The following UNC5D variants were observed in gnomAD, a reference collection of about 807,000 sequenced individuals.
UNC5D encodes the protein netrin receptor UNC5D.
A neutral mutation model predicts 105.4 loss-of-function variants in UNC5D; 39 were observed. That is an observed-to-expected ratio of 0.37 (90% CI 0.29 to 0.48). The LOEUF (loss-of-function observed/expected upper bound fraction) is 0.48, where lower values mean the gene tolerates loss of function less well. UNC5D is among the 20% of genes least tolerant of loss of function. The pLI is 0.98. For synonymous variants in UNC5D, 452 were observed against 450.4 expected (o/e 1.00, Z -0.04); for missense variants, 991 against 1,202.4 (o/e 0.82, Z 2.60).
chr8:35,669,470 T>C lies in UNC5D; in HGVS notation c.571-14077T>C, dbSNP rs150414666. On this transcript the variant is annotated intron_variant, in intron 4 of 16. Coordinates refer to ENST00000404895, the MANE Select transcript of UNC5D (RefSeq NM_080872.4). Reference sequence around the variant, plus strand: ...GTGCCAAATTTTGATGCCCGTCTCCTTAAATCTAATAGCAAGTCGGTTGCA... The same window carrying C: ...GTGCCAAATTTTGATGCCCGTCTCCCTAAATCTAATAGCAAGTCGGTTGCA... Among the ~76,000 whole-genome samples, 1,102 of 152,254 alleles carry C rather than the reference T, an allele frequency of 7.2e-3. 22 individuals are homozygous for C. Among genetic ancestry groups the C allele is most frequent in the African/African-American group, 0.024 (1,014 of 41,556 alleles).
intron 8 of UNC5D, among the ~76,000 whole-genome samples, chr8:35,717,038 GT>G (rs1427479499): frequency 6.6e-6 from 1 of 152,090 alleles, no homozygotes; most frequent in African/African-American, 2.4e-5. Context: ...TGGTTGCCTC[GT>G]TTTCTGTTTG....
At chr8:35,426,857 G>C (rs541533791) in intron 1 of UNC5D, among the ~76,000 whole-genome samples, 248 of 152,206 alleles carry the variant, frequency 1.6e-3, no homozygotes, top group African/African-American at 5.6e-3. Context: ...TCATTGCTTG[G>C]ACTCTAGGGT....
intron 1 of UNC5D, among the ~76,000 whole-genome samples, chr8:35,532,378 A>G (rs1466726550): frequency 7.3e-6 from 1 of 136,638 alleles, no homozygotes; most frequent in Non-Finnish European, 1.6e-5. Flanking sequence ...ATTGGCCCCC[A>G]CTCTCTTCTG....
chr8:35,658,544 A>G (rs1423208679), intron 4 of UNC5D, among the ~76,000 whole-genome samples: 2 of 152,162 alleles, frequency 1.3e-5, no homozygotes, highest in Non-Finnish European at 2.9e-5. Context: ...ACACGTAATA[A>G]ATGATAGATG....
intron 1 of UNC5D, among the ~76,000 whole-genome samples, chr8:35,474,909 G>A (rs551715423): frequency 6.6e-6 from 1 of 152,302 alleles, no homozygotes; most frequent in East Asian, 1.9e-4. Flanking sequence ...CATCCCCTTA[G>A]GTGGGGCATT....
At chr8:35,437,805 G>A (rs567189101) in intron 1 of UNC5D, among the ~76,000 whole-genome samples, 3 of 151,664 alleles carry the variant, frequency 2.0e-5, no homozygotes, top group African/African-American at 7.2e-5. Context: ...GCGAGAAATG[G>A]TTTGCTGCTT....
intron 1 of UNC5D, among the ~76,000 whole-genome samples, chr8:35,365,429 G>A (rs1802057161): frequency 6.6e-6 from 1 of 151,482 alleles, no homozygotes. Context: ...AAGATATATT[G>A]GTATCTGAAA....
rs1802408121 is a variant in UNC5D at position 35,235,676 on chromosome 8, ACT to A, written c.-104_-103del. The A allele has an allele frequency of 3.7e-6, 3 of 803,160 alleles. No individual in the cohort carries two copies. Among genetic ancestry groups the A allele is most frequent in the African/African-American group, 3.6e-5 (2 of 55,794 alleles). The allele number at this position is 803,160 out of a possible 1,614,324, so 49.8% of individuals were successfully genotyped here. On this transcript the variant is annotated 5_prime_UTR_variant, in exon 1 of 17. Transcript: ENST00000404895. The stretch of plus-strand genomic sequence containing the variant: ...TAGGAAGCGATCGTGGAGCAGAGTC[ACT>A]CTCTGAAGACTCCCGAGACCCATTC...
At chr8:35,400,791 T>G (rs1804409449) in intron 1 of UNC5D, among the ~76,000 whole-genome samples, 1 of 152,314 alleles carries the variant, frequency 6.6e-6, no homozygotes, top group Non-Finnish European at 1.5e-5. Context: ...TCAGCTCCAC[T>G]GGTGGGGAAC....
At chr8:35,684,130 C>T (rs996135281) in intron 5 of UNC5D, among the ~76,000 whole-genome samples, 4 of 152,094 alleles carry the variant, frequency 2.6e-5, no homozygotes, top group South Asian at 2.1e-4. Context: ...GTGAAATCCT[C>T]CAAAAACAAA....
intron 1 of UNC5D, among the ~76,000 whole-genome samples, chr8:35,287,321 C>G (rs1457050858): frequency 1.3e-5 from 2 of 151,972 alleles, no homozygotes; most frequent in Non-Finnish European, 2.9e-5. Flanking sequence ...TTAGAATAAT[C>G]CTCTAAAAGA....
At chr8:35,702,403 T>A (rs1281069683) in intron 7 of UNC5D, among the ~76,000 whole-genome samples, 3 of 151,642 alleles carry the variant, frequency 2.0e-5, no homozygotes, top group African/African-American at 7.3e-5. Flanking sequence ...CAGGTATGAG[T>A]ATTTGTTTGA....
chr8:35,337,068 AGGAGAC>A (rs1292023856), intron 1 of UNC5D, among the ~76,000 whole-genome samples: 7 of 152,210 alleles, frequency 4.6e-5, no homozygotes, highest in African/African-American at 1.7e-4. Context: ...ACCCCATCAT[AGGAGAC>A]TAATGATTTA....
intron 1 of UNC5D, among the ~76,000 whole-genome samples, chr8:35,481,503 C>T (rs906770030): frequency 6.6e-6 from 1 of 152,110 alleles, no homozygotes; most frequent in Non-Finnish European, 1.5e-5. Context: ...GGTCTTCAGC[C>T]CCTACATGCT....
rs552260523 is a variant in UNC5D, at chr8:35,363,793, C to T, written c.103+127906C>T. ...TTTAAGAACACATAAAATATTGGTT[C>T]TCTTTATTCTTTTTCCCATTAATTT... On this transcript the variant is annotated intron_variant, in intron 1 of 16. Coordinates refer to ENST00000404895, the MANE Select transcript of UNC5D (RefSeq NM_080872.4). 3.3e-5 allele frequency among the ~76,000 whole-genome samples: 5 copies of T among 152,164 alleles called. No individual in the cohort carries two copies. The South Asian group carries it at 1.0e-3, about 32-fold the overall frequency.
chr8:35,533,804 G>A (rs1563508857), intron 1 of UNC5D, among the ~76,000 whole-genome samples: 2 of 152,170 alleles, frequency 1.3e-5, no homozygotes, highest in Admixed American at 6.5e-5. Flanking sequence ...GGAGTAACCC[G>A]ATTTTCCAAG....
intron 1 of UNC5D, among the ~76,000 whole-genome samples, chr8:35,362,052 G>T (rs1801884622): frequency 6.6e-6 from 1 of 151,996 alleles, no homozygotes; most frequent in South Asian, 2.1e-4. Flanking sequence ...GATTTGATGG[G>T]TTATAGTATT....
intron 1 of UNC5D, among the ~76,000 whole-genome samples, chr8:35,534,913 C>A: frequency 6.6e-6 from 1 of 152,072 alleles, no homozygotes; most frequent in Non-Finnish European, 1.5e-5. Context: ...TTGAAACTCT[C>A]TGAACTCCCA....
intron 4 of UNC5D, among the ~76,000 whole-genome samples, chr8:35,620,833 C>A (rs966530685): frequency 5.3e-5 from 8 of 152,166 alleles, no homozygotes; most frequent in Admixed American, 3.3e-4. Flanking sequence ...CAATTAAGGG[C>A]AGCTGCTATC....
Sources: allele counts gnomAD v4.1 joint callset (sites outside exome capture counted in the v4.1 genomes callset), GRCh38; gene constraint gnomAD v4.1.1; transcripts MANE v1.5; gene names NCBI Gene and HGNC (gene_info 2026-07-23, HGNC 2026-07-21).